The following ANKRD33B variants were observed in gnomAD, a reference collection of about 807,000 sequenced individuals.
The protein encoded by ANKRD33B is ankyrin repeat domain-containing protein 33B.
A neutral mutation model predicts 21.5 loss-of-function variants in ANKRD33B; 6 were observed. The observed-to-expected ratio is 0.28, with a 90% CI of 0.15 to 0.55. ANKRD33B has a LOEUF of 0.55. ANKRD33B is among the 20% of genes least tolerant of loss of function. The pLI is 0.94. For synonymous variants in ANKRD33B, 347 were observed against 342.4 expected (o/e 1.01, Z -0.15); for missense variants, 698 against 747.2 (o/e 0.93, Z 0.77).
At chr5:10,565,740 G>A (rs898316382) in intron 1 of ANKRD33B, among the ~76,000 whole-genome samples, 1 of 152,272 alleles carries the variant, frequency 6.6e-6, no homozygotes, top group African/African-American at 2.4e-5. Flanking sequence ...GAAAACTGCA[G>A]AGTGACCACG....
At chr5:10,624,275 G>A (rs1736492144) in intron 2 of ANKRD33B, among the ~76,000 whole-genome samples, 1 of 151,832 alleles carries the variant, frequency 6.6e-6, no homozygotes, top group African/African-American at 2.4e-5. Flanking sequence ...GATTATAGGC[G>A]CCAGTCACCG....
chr5:10,576,442 T>G lies in ANKRD33B; in HGVS notation c.366+11609T>G, dbSNP rs192954133. 3.7e-4 allele frequency among the ~76,000 whole-genome samples: 57 copies of G among 152,328 alleles called. No individual in the cohort carries two copies. Among genetic ancestry groups the G allele is most frequent in the Non-Finnish European group, 6.0e-4 (41 of 68,024 alleles). On this transcript the variant is annotated intron_variant, in intron 1 of 3. Transcript: ENST00000296657. The surrounding 1 kb of genome is among the most constrained non-coding windows in gnomAD (Gnocchi z 4.1). ...GATGATTTGCACATACATTTAAGTT[T>G]CAGGAGTTCTAGAACTTTTCTTAGA...
At chr5:10,616,883 A>G (rs1471379094) in intron 1 of ANKRD33B, among the ~76,000 whole-genome samples, 1 of 152,254 alleles carries the variant, frequency 6.6e-6, no homozygotes, top group African/African-American at 2.4e-5. Context: ...TCACAGTTCT[A>G]GAAGTCCAAG....
At chr5:10,617,760 C>G (rs1736319453) in intron 1 of ANKRD33B, among the ~76,000 whole-genome samples, 1 of 152,228 alleles carries the variant, frequency 6.6e-6, no homozygotes, top group African/African-American at 2.4e-5. Context: ...CTCACTCACT[C>G]TGCTCTAGCC....
intron 1 of ANKRD33B, among the ~76,000 whole-genome samples, chr5:10,604,125 C>T (rs531899989): frequency 2.7e-5 from 4 of 150,006 alleles, no homozygotes; most frequent in Admixed American, 2.7e-4. Context: ...AACTCCTGAC[C>T]TTGTGATCCA....
rs146402239 is a variant in ANKRD33B, at chr5:10,621,464, C to T, written c.496+3002C>T. Among the ~76,000 whole-genome samples, 656 of 152,308 alleles carry T rather than the reference C, an allele frequency of 4.3e-3. 6 individuals are homozygous for T. The highest frequency in any genetic ancestry group is 0.015 in the African/African-American group (614 of 41,554). ...TCCATATGCTTCCCCCATTCTTTGTCGGCAAGAAACCTGGTTTGCAGCAAT... is the reference window on the plus strand; with the variant it reads ...TCCATATGCTTCCCCCATTCTTTGTTGGCAAGAAACCTGGTTTGCAGCAAT... On this transcript the variant is annotated intron_variant, in intron 2 of 3. Coordinates refer to ENST00000296657, the MANE Select transcript of ANKRD33B (RefSeq NM_001164440.2).
intron 1 of ANKRD33B, among the ~76,000 whole-genome samples, chr5:10,572,925 T>C (rs946978902): frequency 6.6e-6 from 1 of 152,234 alleles, no homozygotes; most frequent in Admixed American, 6.5e-5. Context: ...CATTCCCATC[T>C]GATCAGATGC....
Position 10,610,380 on chromosome 5 carries a change from G to T in ANKRD33B, c.367-7953G>T, listed in dbSNP as rs141498405. Among the ~76,000 whole-genome samples the T allele has an allele frequency of 1.8e-4, 28 of 151,844 alleles. No homozygotes were observed. In the East Asian group the frequency reaches 5.4e-3, roughly 29 times the overall value. On this transcript the variant is annotated intron_variant, in intron 1 of 3. Transcript: ENST00000296657. ...TGACGTCTAATGGGTAGAGACCAGG[G>T]ATTGCATAGTACAGGGGACAGCCCC...
At chr5:10,571,136 T>G (rs1371207134) in intron 1 of ANKRD33B, among the ~76,000 whole-genome samples, 1 of 152,104 alleles carries the variant, frequency 6.6e-6, no homozygotes, top group Admixed American at 6.6e-5. Context: ...TGATCTACAG[T>G]GTGAAATGGA....
chr5:10,586,057 T>A (rs1735551544), intron 1 of ANKRD33B, among the ~76,000 whole-genome samples: 1 of 152,182 alleles, frequency 6.6e-6, no homozygotes, highest in South Asian at 2.1e-4. Flanking sequence ...TATGTTCTTG[T>A]GGGTCTTGGG....
chr5:10,604,719 A>T (rs1459582699), intron 1 of ANKRD33B, among the ~76,000 whole-genome samples: 1 of 152,098 alleles, frequency 6.6e-6, no homozygotes, highest in African/African-American at 2.4e-5. Context: ...TTATATAAAC[A>T]TATATTCAAC....
intron 3 of ANKRD33B, among the ~76,000 whole-genome samples, chr5:10,649,061 C>T (rs1170903275): frequency 1.2e-4 from 18 of 151,900 alleles, no homozygotes; most frequent in Non-Finnish European, 1.5e-5. Flanking sequence ...TACAGTAGGA[C>T]GTGTTCCCGC....
At chr5:10,565,609 C>T (rs552857333) in intron 1 of ANKRD33B, among the ~76,000 whole-genome samples, 2 of 152,072 alleles carry the variant, frequency 1.3e-5, no homozygotes, top group Non-Finnish European at 2.9e-5. Context: ...TGACCAGATT[C>T]AGAGAAAACG....
chr5:10,593,180 TA>T (rs1300316890), intron 1 of ANKRD33B, among the ~76,000 whole-genome samples: 1 of 63,658 alleles, frequency 1.6e-5, no homozygotes, highest in East Asian at 1.1e-3. Flanking sequence ...AACTAACCCT[TA>T]TATTATAACA....
chr5:10,624,203 C>T (rs1481205625), intron 2 of ANKRD33B, among the ~76,000 whole-genome samples: 3 of 147,678 alleles, frequency 2.0e-5, no homozygotes, highest in African/African-American at 7.6e-5. Flanking sequence ...AATCTCAGCT[C>T]TCTACAACCT....
chr5:10,630,090 G>A (rs550778316), intron 2 of ANKRD33B, among the ~76,000 whole-genome samples: 90 of 152,304 alleles, frequency 5.9e-4, no homozygotes, highest in African/African-American at 2.1e-3. Context: ...AGTCACATAT[G>A]CTTTTAAGAT....
intron 1 of ANKRD33B, among the ~76,000 whole-genome samples, chr5:10,578,419 T>G (rs1044078105): frequency 6.6e-6 from 1 of 152,202 alleles, no homozygotes; most frequent in Non-Finnish European, 1.5e-5. Context: ...TTACATTATC[T>G]GGAAGGAAGC....
At chr5:10,647,464 A>G (rs1737214074) in intron 3 of ANKRD33B, among the ~76,000 whole-genome samples, 1 of 152,200 alleles carries the variant, frequency 6.6e-6, no homozygotes, top group Admixed American at 6.5e-5. Flanking sequence ...TTAATTGAAC[A>G]GCAATTCCGT....
At chr5:10,574,531 C>A (rs1735274567) in intron 1 of ANKRD33B, among the ~76,000 whole-genome samples, 1 of 151,850 alleles carries the variant, frequency 6.6e-6, no homozygotes. Context: ...AAAGTGGTAT[C>A]TTGAAGGAAA....
Sources: allele counts gnomAD v4.1 joint callset (sites outside exome capture counted in the v4.1 genomes callset), GRCh38; gene constraint gnomAD v4.1.1; non-coding constraint Gnocchi (gnomAD v3.1); transcripts MANE v1.5; gene names NCBI Gene and HGNC (gene_info 2026-07-23, HGNC 2026-07-21).